The following UNC13C variants were observed in gnomAD, a reference collection of about 807,000 sequenced individuals.
The protein encoded by UNC13C is unc-13 homolog C.
Under a neutral mutation model 245.4 loss-of-function variants are expected in UNC13C, and 174 were observed. The ratio of observed to expected loss-of-function variants is 0.71; its 90% CI spans 0.63 to 0.80. The LOEUF (loss-of-function observed/expected upper bound fraction) is 0.80. UNC13C is among the 30% of genes least tolerant of loss of function. The pLI is 0.00. For synonymous variants in UNC13C, 992 were observed against 895.1 expected (o/e 1.11, Z -1.93); for missense variants, 2,829 against 2,602.9 (o/e 1.09, Z -1.89).
At chr15:54,172,792 C>G (rs1447102359) in intron 4 of UNC13C, among the ~76,000 whole-genome samples, 2 of 131,986 alleles carry the variant, frequency 1.5e-5, no homozygotes, top group Admixed American at 8.0e-5. Flanking sequence ...TGGGTCTTGT[C>G]TAAGAAGTAT....
chr15:54,037,453 A>G (rs1336468312), intron 2 of UNC13C, among the ~76,000 whole-genome samples: 1 of 152,224 alleles, frequency 6.6e-6, no homozygotes, highest in African/African-American at 2.4e-5. Context: ...AAAATTGTCC[A>G]AAAGGCTTAG....
intron 1 of UNC13C, among the ~76,000 whole-genome samples, chr15:54,011,746 C>G (rs1030492768): frequency 6.6e-6 from 1 of 151,502 alleles, no homozygotes; most frequent in Non-Finnish European, 1.5e-5. Flanking sequence ...ATCTTTTCTC[C>G]TCCTCTTCTA....
intron 2 of UNC13C, among the ~76,000 whole-genome samples, chr15:54,103,047 G>A (rs759844766): frequency 6.6e-6 from 1 of 152,218 alleles, no homozygotes. Flanking sequence ...TGTGACTGAA[G>A]TTCATTGTCT....
At chr15:54,095,780 A>C (rs185730734) in intron 2 of UNC13C, among the ~76,000 whole-genome samples, 88 of 152,324 alleles carry the variant, frequency 5.8e-4, no homozygotes, top group African/African-American at 2.1e-3. Context: ...TTTATCGACC[A>C]CTATTAGGTT....
chr15:54,434,574 A>C (rs2040941276), intron 19 of UNC13C, among the ~76,000 whole-genome samples: 1 of 152,198 alleles, frequency 6.6e-6, no homozygotes, highest in South Asian at 2.1e-4. Flanking sequence ...ACCTTATACA[A>C]AAATTAACTC....
At chr15:54,561,855 G>A (rs925603505) in intron 29 of UNC13C, among the ~76,000 whole-genome samples, 15 of 151,984 alleles carry the variant, frequency 9.9e-5, no homozygotes, top group African/African-American at 3.4e-4. Flanking sequence ...CTATCAGCAA[G>A]GTGGTGGCTT....
At chr15:54,314,965 T>A (rs1263166697) in intron 13 of UNC13C, among the ~76,000 whole-genome samples, 2 of 151,776 alleles carry the variant, frequency 1.3e-5, no homozygotes, top group South Asian at 4.1e-4. Flanking sequence ...TCCTTCTGAC[T>A]GTGGTATGTG....
intron 2 of UNC13C, among the ~76,000 whole-genome samples, chr15:54,100,689 C>CAA (rs113993450): frequency 6.9e-6 from 1 of 145,692 alleles, no homozygotes; most frequent in African/African-American, 2.5e-5. Flanking sequence ...CTCAGTATCT[C>CAA]AAAAAAAAAA....
intron 18 of UNC13C, among the ~76,000 whole-genome samples, chr15:54,397,249 T>C (rs2040089518): frequency 6.6e-6 from 1 of 151,466 alleles, no homozygotes; most frequent in South Asian, 2.1e-4. Context: ...TTCATATGGT[T>C]ATCTATTTTT....
At chr15:54,225,953 T>C (rs1015579394) in intron 4 of UNC13C, among the ~76,000 whole-genome samples, 6 of 152,232 alleles carry the variant, frequency 3.9e-5, no homozygotes, top group Non-Finnish European at 8.8e-5. Context: ...TTGTCATAAA[T>C]GGCTCTTATT....
At chr15:54,054,193 C>G (rs763544683) in intron 2 of UNC13C, among the ~76,000 whole-genome samples, 1 of 152,142 alleles carries the variant, frequency 6.6e-6, no homozygotes, top group East Asian at 1.9e-4. Context: ...TTTGAGGAAC[C>G]TCCAAACTGT....
the UNC13C span, among the ~76,000 whole-genome samples, chr15:53,846,528 A>G: frequency 2.6e-5 from 4 of 152,186 alleles, no homozygotes; most frequent in Non-Finnish European, 5.9e-5. Flanking sequence ...CACATTTATA[A>G]GAAGAAAATT....
intron 4 of UNC13C, among the ~76,000 whole-genome samples, chr15:54,216,418 T>C (rs1206741596): frequency 1.3e-5 from 2 of 151,942 alleles, no homozygotes; most frequent in Non-Finnish European, 2.9e-5. Context: ...CTAAAAAATG[T>C]CAGGGAAAAT....
rs1023774594 is a variant in UNC13C, at chr15:54,427,692, A to G, written c.4933+12625A>G. On this transcript the variant is annotated intron_variant, in intron 19 of 32. Coordinates refer to ENST00000260323, the MANE Select transcript of UNC13C (RefSeq NM_001080534.3). ...ATTTTACATAATAATTAACCAAAAT[A>G]CTTTTTGTGAAAGAAATTGTAGCTT... 6.6e-5 allele frequency among the ~76,000 whole-genome samples: 10 copies of G among 151,834 alleles called. No individual in the cohort carries two copies. The South Asian group carries it at 1.7e-3, about 25-fold the overall frequency.
At chr15:54,472,585 G>A (rs74890664) in intron 19 of UNC13C, among the ~76,000 whole-genome samples, 223 of 151,850 alleles carry the variant, frequency 1.5e-3, no homozygotes, top group African/African-American at 4.8e-3. Flanking sequence ...AACTAGACCC[G>A]CCATTCTCTT....
intron 19 of UNC13C, among the ~76,000 whole-genome samples, chr15:54,479,184 C>G (rs1892956215): frequency 6.6e-6 from 1 of 151,912 alleles, no homozygotes; most frequent in Non-Finnish European, 1.5e-5. Context: ...TTATTGAAAT[C>G]CCCGACTATT....
At chr15:54,567,676 C>T (rs1223790728) in intron 29 of UNC13C, 124 bp from the exon 30 acceptor site, 16 of 895,270 alleles carry the variant, frequency 1.8e-5, no homozygotes, top group Non-Finnish European at 2.0e-5. Flanking sequence ...ATGATGGAAC[C>T]ATTTTTTTGT....
chr15:54,607,958 T>C lies in UNC13C; in HGVS notation c.6107-14369T>C, dbSNP rs16974928. On this transcript the variant is annotated intron_variant, in intron 30 of 32. Coordinates refer to ENST00000260323, the MANE Select transcript of UNC13C (RefSeq NM_001080534.3). ...AGACAAACAGTAGTTTTTATTTTTG[T>C]GTGTTTATTTCATAACTTCTCCTCA... Among the ~76,000 whole-genome samples, 1,225 of 152,316 alleles carry C rather than the reference T, an allele frequency of 8.0e-3. 16 individuals carry two copies. Among genetic ancestry groups the C allele is most frequent in the African/African-American group, 0.028 (1,171 of 41,556 alleles).
At chr15:54,383,199 G>A (rs2039764866) in intron 17 of UNC13C, among the ~76,000 whole-genome samples, 1 of 152,118 alleles carries the variant, frequency 6.6e-6, no homozygotes, top group African/African-American at 2.4e-5. Flanking sequence ...TATGAGGCTA[G>A]CATTTTCCTA....
Sources: gnomAD v4.1 joint callset for allele counts (sites outside exome capture counted in the v4.1 genomes callset) on GRCh38, gnomAD v4.1.1 for gene constraint, MANE v1.5 for transcripts, NCBI Gene and HGNC (gene_info 2026-07-23, HGNC 2026-07-21) for gene names.